The following IGBP1C variants were observed in gnomAD, a reference collection of about 807,000 sequenced individuals.
The protein encoded by IGBP1C is IGBP1 family member C.
the IGBP1C span, among the ~76,000 whole-genome samples, chr17:58,670,964 T>C: frequency 6.6e-6 from 1 of 152,030 alleles, no homozygotes; most frequent in South Asian, 2.1e-4. Context: ...ACAATAAATA[T>C]ATACAATTGG....
At chr17:58,687,285 A>C in the IGBP1C span, among the ~76,000 whole-genome samples, 1 of 151,824 alleles carries the variant, frequency 6.6e-6, no homozygotes, top group East Asian at 1.9e-4. Flanking sequence ...CCTTCTCACT[A>C]TCTCTTTTAC....
At chr17:58,661,371 C>T in the IGBP1C span, 2 of 923,604 alleles carry the variant, frequency 2.2e-6, no homozygotes, top group South Asian at 1.3e-5. Context: ...TACTTCAGGT[C>T]GGTGGAAGTA....
At chr17:58,678,186 G>A in the IGBP1C span, among the ~76,000 whole-genome samples, 1 of 152,102 alleles carries the variant, frequency 6.6e-6, no homozygotes, top group Non-Finnish European at 1.5e-5. Flanking sequence ...AGATGTGATT[G>A]ATTTAAGATG....
the IGBP1C span, among the ~76,000 whole-genome samples, chr17:58,683,101 G>A: frequency 2.0e-5 from 3 of 150,998 alleles, no homozygotes; most frequent in Admixed American, 1.3e-4. Flanking sequence ...GGCTGAGCAC[G>A]GTGGCTCACG....
the IGBP1C span, chr17:58,679,692 A>G: frequency 6.6e-6 from 1 of 152,206 alleles, no homozygotes; most frequent in African/African-American, 2.4e-5. Context: ...GTTAAGTATG[A>G]GTCCCCAGCG....
the IGBP1C span, among the ~76,000 whole-genome samples, chr17:58,666,226 T>C: frequency 6.6e-6 from 1 of 151,574 alleles, no homozygotes; most frequent in Admixed American, 6.6e-5. Flanking sequence ...GCCTGTAATG[T>C]AATCCCAGTT....
the IGBP1C span, among the ~76,000 whole-genome samples, chr17:58,688,277 C>A: frequency 6.6e-6 from 1 of 151,974 alleles, no homozygotes; most frequent in East Asian, 1.9e-4. Context: ...CCCTCCACCA[C>A]CCCCAGTTAA....
the IGBP1C span, among the ~76,000 whole-genome samples, chr17:58,683,817 A>G: frequency 1.3e-5 from 2 of 151,698 alleles, no homozygotes; most frequent in Non-Finnish European, 2.9e-5. Context: ...CTGTAATCCC[A>G]GCACTTTGGG....
chr17:58,671,698 G>C, the IGBP1C span, among the ~76,000 whole-genome samples: 8 of 152,208 alleles, frequency 5.3e-5, no homozygotes, highest in African/African-American at 1.9e-4. Flanking sequence ...CTGGGTCTCT[G>C]TGGATTTCTC....
the IGBP1C span, chr17:58,661,729 T>G: frequency 1.7e-6 from 1 of 574,106 alleles, no homozygotes; most frequent in South Asian, 2.3e-5. Context: ...GCGGTGGCGT[T>G]GGGGGCGGCA....
chr17:58,679,995 G>A, the IGBP1C span, among the ~76,000 whole-genome samples: 1 of 152,054 alleles, frequency 6.6e-6, no homozygotes, highest in African/African-American at 2.4e-5. Context: ...ACTTAAAAAT[G>A]CTCTACAGAT....
chr17:58,683,022 C>G, the IGBP1C span, among the ~76,000 whole-genome samples: 1 of 145,212 alleles, frequency 6.9e-6, no homozygotes, highest in Non-Finnish European at 1.5e-5. Context: ...CATTGCACTC[C>G]AGCCTGGGCG....
the IGBP1C span, among the ~76,000 whole-genome samples, chr17:58,669,772 A>C: frequency 6.7e-6 from 1 of 149,590 alleles, no homozygotes; most frequent in Non-Finnish European, 1.5e-5. Flanking sequence ...CAACAGCTTG[A>C]GACTTCATTG....
At chr17:58,680,742 A>T in the IGBP1C span, among the ~76,000 whole-genome samples, 159 of 152,054 alleles carry the variant, frequency 1.0e-3, 1 homozygote, top group African/African-American at 3.6e-3. Context: ...TCTCAAAAAA[A>T]CCCCACAAAA....
chr17:58,673,177 A>G, the IGBP1C span, among the ~76,000 whole-genome samples: 2 of 151,964 alleles, frequency 1.3e-5, no homozygotes, highest in Non-Finnish European at 2.9e-5. Context: ...AAGCCTTTAC[A>G]TATTAAAATA....
At chr17:58,670,047 C>A in the IGBP1C span, among the ~76,000 whole-genome samples, 261 of 152,310 alleles carry the variant, frequency 1.7e-3, 3 homozygotes, top group Non-Finnish European at 8.5e-4. Context: ...AGCCTCAGAG[C>A]CTTTGCCTGT....
At chr17:58,683,514 G>T in the IGBP1C span, among the ~76,000 whole-genome samples, 2 of 152,140 alleles carry the variant, frequency 1.3e-5, no homozygotes, top group Non-Finnish European at 2.9e-5. Context: ...TGTAATCCCA[G>T]CACTTTGGGA....
At chr17:58,677,766 C>T in the IGBP1C span, 2 of 152,344 alleles carry the variant, frequency 1.3e-5, no homozygotes, top group South Asian at 4.1e-4. Context: ...TGACATCTCA[C>T]CCTCAGATTC....
At chr17:58,665,571 A>C in the IGBP1C span, among the ~76,000 whole-genome samples, 1 of 148,914 alleles carries the variant, frequency 6.7e-6, no homozygotes, top group African/African-American at 2.5e-5. Flanking sequence ...ACTCCAGCCT[A>C]GGCAACAGGG....
Sources: gnomAD v4.1 joint callset for allele counts (sites outside exome capture counted in the v4.1 genomes callset) on GRCh38, gnomAD v4.1.1 for gene constraint, MANE v1.5 for transcripts, NCBI Gene and HGNC (gene_info 2026-07-23, HGNC 2026-07-21) for gene names.